The following ANXA5 variants were observed in gnomAD, a reference collection of about 807,000 sequenced individuals.
ANXA5 encodes annexin A5, also known as CBP-I.
ANXA5 carries 40 observed loss-of-function variants against 48.1 expected under a neutral mutation model. The observed-to-expected ratio is 0.83, with a 90% confidence interval of 0.65 to 1.08. The LOEUF (loss-of-function observed/expected upper bound fraction) is 1.08. Among genes scored for constraint, ANXA5 ranks in the 50% least tolerant of loss-of-function variants. ANXA5 has a pLI of 0.00. For synonymous variants in ANXA5, 113 were observed against 129.1 expected (o/e 0.88, Z 0.85); for missense variants, 357 against 376.8 (o/e 0.95, Z 0.44).
chr4:121,696,606 A>G lies in ANXA5; in HGVS notation c.-17T>C. Reference sequence around the variant, plus strand: ...CTGTGCCATGGCGACTACTCAGGTCAGGGGAAGGTGAAGCAGGACTGCAAA... The same window carrying G: ...CTGTGCCATGGCGACTACTCAGGTCGGGGGAAGGTGAAGCAGGACTGCAAA... On this transcript the variant is annotated 5_prime_UTR_variant, in exon 2 of 13. Coordinates refer to ENST00000296511, the MANE Select transcript of ANXA5 (RefSeq NM_001154.4). The G allele has an allele frequency of 1.4e-6, 2 of 1,419,968 alleles. No individual in the cohort carries two copies. The highest frequency in any genetic ancestry group is 1.9e-6 in the Non-Finnish European group (2 of 1,076,414). The allele number at this position is 1,419,968 out of a possible 1,614,324, so 88.0% of individuals were successfully genotyped here.
intron 2 of ANXA5, among the ~76,000 whole-genome samples, 193 bp downstream of exon 2, chr4:121,696,388 C>G (rs1725082056): frequency 6.6e-6 from 1 of 151,664 alleles, no homozygotes; most frequent in Admixed American, 6.6e-5. Context: ...GGAGGGCGCT[C>G]AGCGGGAAGA....
chr4:121,684,788 A>T lies in ANXA5; in HGVS notation c.95-17T>A. Reference sequence around the variant, plus strand: ...CATCTGTGCCTGCAATTTATGGTTAACAATTACATTTTGGCTCCTACATGC... The same window carrying T: ...CATCTGTGCCTGCAATTTATGGTTATCAATTACATTTTGGCTCCTACATGC... On this transcript the variant is annotated splice_polypyrimidine_tract_variant and intron_variant, in intron 3 of 12. Coordinates refer to ENST00000296511, the MANE Select transcript of ANXA5 (RefSeq NM_001154.4). 6.2e-7 allele frequency: 1 copy of T among 1,610,958 alleles called. No individual in the cohort carries two copies. Among genetic ancestry groups the T allele is most frequent in the Admixed American group, 1.7e-5 (1 of 59,872 alleles).
Position 121,684,745 on chromosome 4 carries a change from G to A in ANXA5, c.121C>T (p.Leu41=). The A allele has an allele frequency of 6.2e-7, 1 of 1,613,436 alleles. No individual in the cohort carries two copies. Among genetic ancestry groups the A allele is most frequent in the Non-Finnish European group, 8.5e-7 (1 of 1,179,406 alleles). The change falls in exon 4 of 13, where the codon CTG becomes TTG. Residue 41 remains leucine (L), a synonymous_variant. Coordinates refer to ENST00000296511, the MANE Select transcript of ANXA5 (RefSeq NM_001154.4). ...LGTDEESILT[L]LTSRSNAQRQ... ...TGAGCATTACTTCGGGATGTCAACA[G>A]AGTCAGGATGCTCTCCTCATCTGTG... is the stretch of plus-strand genomic sequence containing the variant.
At chr4:121,680,470 C>A (rs1578443696) in intron 6 of ANXA5, among the ~76,000 whole-genome samples, 1 of 152,152 alleles carries the variant, frequency 6.6e-6, no homozygotes, top group East Asian at 1.9e-4. Context: ...GTTTGAATTT[C>A]ATTATCCTTT....
chr4:121,686,667 C>A (rs1304171219), intron 2 of ANXA5, among the ~76,000 whole-genome samples: 2 of 152,296 alleles, frequency 1.3e-5, no homozygotes, highest in Non-Finnish European at 2.9e-5. Context: ...GAGGGCACAT[C>A]TTTGCAGGTT....
At position 121,684,664 on chromosome 4, in the gene ANXA5, A is replaced by C. The variant is rs766470932; in HGVS notation, c.189+13T>G. ...GTTCTCCCATTCTCTCTTGGGATGAAGTGTGGTCTTACCCTGCCAAACAGA... is the reference window on the plus strand; with the variant it reads ...GTTCTCCCATTCTCTCTTGGGATGACGTGTGGTCTTACCCTGCCAAACAGA... On this transcript the variant is annotated intron_variant, in intron 4 of 12. Coordinates refer to ENST00000296511, the MANE Select transcript of ANXA5 (RefSeq NM_001154.4). 2 of 1,609,558 alleles carry C rather than the reference A, an allele frequency of 1.2e-6. No homozygotes were observed. Among genetic ancestry groups the C allele is most frequent in the South Asian group, 1.1e-5 (1 of 90,874 alleles).
Position 121,686,381 on chromosome 4 carries a change from C to G in ANXA5, c.10-9G>C, listed in dbSNP as rs766755473. 1 of 1,606,008 alleles carries G rather than the reference C, an allele frequency of 6.2e-7. No homozygotes were observed. Among genetic ancestry groups the G allele is most frequent in the South Asian group, 1.1e-5 (1 of 90,850 alleles). On this transcript the variant is annotated splice_polypyrimidine_tract_variant and intron_variant, in intron 2 of 12. Transcript: ENST00000296511. Reference sequence around the variant, plus strand: ...ACAGTGCCTCTGAGAACCTAATTCACGAAACACAGTGGTATTATTCATATC... The same window carrying G: ...ACAGTGCCTCTGAGAACCTAATTCAGGAAACACAGTGGTATTATTCATATC...
intron 9 of ANXA5, 69 bp downstream of exon 9, chr4:121,672,464 T>C: frequency 9.4e-7 from 1 of 1,066,496 alleles, no homozygotes; most frequent in Non-Finnish European, 1.4e-6. Context: ...GCAGGTATTC[T>C]GTCACACTGG....
chr4:121,696,717 C>G (rs1236410544), intron 1 of ANXA5, 93 bp from the exon 2 acceptor site: 4 of 858,272 alleles, frequency 4.7e-6, no homozygotes, highest in African/African-American at 1.8e-5. Context: ...GGCGCTCAGA[C>G]AGCCCGGAGG....
chr4:121,693,217 A>T (rs1208061158), intron 2 of ANXA5, among the ~76,000 whole-genome samples: 1 of 151,972 alleles, frequency 6.6e-6, no homozygotes, highest in African/African-American at 2.4e-5. Flanking sequence ...CTGGACAACA[A>T]AGCGAGACTC....
At chr4:121,668,641 A>G in intron 12 of ANXA5, 114 bp from the exon 13 acceptor site, 1 of 836,160 alleles carries the variant, frequency 1.2e-6, no homozygotes, top group South Asian at 1.5e-5. Flanking sequence ...CAAGTGGGTA[A>G]TCTCTGTGAC....
chr4:121,673,676 G>A (rs1162819241), intron 8 of ANXA5, among the ~76,000 whole-genome samples: 1 of 152,032 alleles, frequency 6.6e-6, no homozygotes, highest in East Asian at 1.9e-4. Flanking sequence ...TTATTTTAAA[G>A]ATAAAAATGA....
chr4:121,676,649 G>A (rs1173499898), intron 8 of ANXA5, among the ~76,000 whole-genome samples: 2 of 148,628 alleles, frequency 1.3e-5, no homozygotes, highest in East Asian at 2.0e-4. Context: ...TCCAGAGAAC[G>A]TGGCAAGAAC....
chr4:121,671,014 T>A (rs970453822), intron 10 of ANXA5, among the ~76,000 whole-genome samples: 1 of 152,200 alleles, frequency 6.6e-6, no homozygotes, highest in Non-Finnish European at 1.5e-5. Flanking sequence ...AATACTGCAA[T>A]CAACTGCACA....
intron 6 of ANXA5, among the ~76,000 whole-genome samples, chr4:121,680,934 TA>T (rs1724783033): frequency 6.6e-6 from 1 of 152,136 alleles, no homozygotes; most frequent in African/African-American, 2.4e-5. Context: ...ATTAACAAAC[TA>T]ATGGCAAGAT....
At chr4:121,680,439 C>T (rs1724771808) in intron 6 of ANXA5, among the ~76,000 whole-genome samples, 1 of 152,198 alleles carries the variant, frequency 6.6e-6, no homozygotes, top group Admixed American at 6.5e-5. Context: ...TTGCATTTAA[C>T]ATCATTGGTA....
At chr4:121,685,772 A>T (rs1232891598) in intron 3 of ANXA5, among the ~76,000 whole-genome samples, 2 of 152,236 alleles carry the variant, frequency 1.3e-5, no homozygotes, top group Non-Finnish European at 2.9e-5. Context: ...GATTGGGAAC[A>T]GAGCTGCACA....
intron 2 of ANXA5, among the ~76,000 whole-genome samples, chr4:121,695,133 A>G (rs941618900): frequency 6.6e-6 from 1 of 152,240 alleles, no homozygotes; most frequent in African/African-American, 2.4e-5. Context: ...CATGTACATC[A>G]CCACACCAGC....
At chr4:121,695,120 C>T (rs1725056259) in intron 2 of ANXA5, among the ~76,000 whole-genome samples, 1 of 152,224 alleles carries the variant, frequency 6.6e-6, no homozygotes, top group South Asian at 2.1e-4. Flanking sequence ...CTTGTTAAAT[C>T]TTCATGTACA....
Sources: allele counts gnomAD v4.1 joint callset (sites outside exome capture counted in the v4.1 genomes callset), GRCh38; gene constraint gnomAD v4.1.1; transcripts MANE v1.5; gene names NCBI Gene and HGNC (gene_info 2026-07-23, HGNC 2026-07-21).